Variants in KCND3 observed in about 807,000 individuals in gnomAD.
The protein encoded by KCND3 is potassium voltage-gated channel subfamily D member 3.
KCND3 carries 9 observed loss-of-function variants against 51.1 expected under a neutral mutation model. The observed-to-expected ratio is 0.18, with a 90% CI of 0.11 to 0.31. The LOEUF (loss-of-function observed/expected upper bound fraction) is 0.31, where lower values mean the gene tolerates loss of function less well. Ranked by LOEUF, KCND3 falls within the 10% of genes least tolerant of loss-of-function variation. The pLI, the probability that KCND3 is intolerant of heterozygous loss-of-function variation, is 1.00. For missense variants in KCND3, 526 were observed against 903.8 expected (o/e 0.58, Z 5.36); for synonymous variants, 349 against 368.0 (o/e 0.95, Z 0.59).
intron 2 of KCND3, among the ~76,000 whole-genome samples, chr1:111,801,344 G>T (rs1438230345): frequency 6.6e-6 from 1 of 152,198 alleles, no homozygotes; most frequent in East Asian, 1.9e-4. Flanking sequence ...AGCTAGAGGT[G>T]GTGAAGCGTC....
At chr1:111,977,215 C>T (rs984740544) in intron 2 of KCND3, among the ~76,000 whole-genome samples, 3 of 152,156 alleles carry the variant, frequency 2.0e-5, no homozygotes, top group Admixed American at 1.3e-4. Context: ...GATAAAGGTG[C>T]AGATAAAATT....
At chr1:111,989,398 C>G (rs1675507970) in intron 1 of KCND3, among the ~76,000 whole-genome samples, 107 bp downstream of exon 1, 1 of 152,212 alleles carries the variant, frequency 6.6e-6, no homozygotes, top group African/African-American at 2.4e-5. Context: ...CCCACCCACC[C>G]GGGCGCGGGA....
chr1:111,975,030 C>T (rs965653992), intron 2 of KCND3, among the ~76,000 whole-genome samples: 5 of 152,244 alleles, frequency 3.3e-5, no homozygotes, highest in African/African-American at 1.2e-4. Context: ...TCTGCTGCAG[C>T]TATCATAGCT....
At chr1:111,884,057 TG>T (rs944977163) in intron 2 of KCND3, among the ~76,000 whole-genome samples, 1 of 152,312 alleles carries the variant, frequency 6.6e-6, no homozygotes. Flanking sequence ...CTTCAACAGG[TG>T]GGTCCATGAT....
intron 2 of KCND3, among the ~76,000 whole-genome samples, chr1:111,898,143 C>T (rs753772679): frequency 6.6e-6 from 1 of 152,210 alleles, no homozygotes; most frequent in Non-Finnish European, 1.5e-5. Context: ...GGGACCACAA[C>T]AGTATTCTTC....
At chr1:111,826,393 T>C (rs2101609011) in intron 2 of KCND3, among the ~76,000 whole-genome samples, 1 of 152,332 alleles carries the variant, frequency 6.6e-6, no homozygotes, top group East Asian at 1.9e-4. Context: ...CCTTGTGAGA[T>C]GTTTTCTTTT....
rs1385863747 is a variant in KCND3, at chr1:111,889,649, G to A, written c.1106+91972C>T. Reference sequence around the variant, plus strand: ...CTCTGTGATTTTGAGGGCTCCAAATGTAAAGGTGAAGGGGCAGGATATTGA... The same window carrying A: ...CTCTGTGATTTTGAGGGCTCCAAATATAAAGGTGAAGGGGCAGGATATTGA... On this transcript the variant is annotated intron_variant, in intron 2 of 7. Transcript: ENST00000302127. 3.9e-5 allele frequency among the ~76,000 whole-genome samples: 6 copies of A among 152,098 alleles called. 1 individual carries two copies. The highest frequency in any genetic ancestry group is 3.3e-4 in the Admixed American group (5 of 15,282).
At chr1:111,872,744 C>T (rs1571774593) in intron 2 of KCND3, among the ~76,000 whole-genome samples, 1 of 152,038 alleles carries the variant, frequency 6.6e-6, no homozygotes, top group Admixed American at 6.5e-5. Context: ...AAAAAGAGGC[C>T]GTGAGAGAGA....
intron 2 of KCND3, among the ~76,000 whole-genome samples, chr1:111,976,219 G>A (rs1674616096): frequency 6.6e-6 from 1 of 152,128 alleles, no homozygotes; most frequent in South Asian, 2.1e-4. Flanking sequence ...GCTTACCTAT[G>A]GCTCCCCTTC....
At chr1:111,860,469 C>T (rs1314650796) in intron 2 of KCND3, among the ~76,000 whole-genome samples, 1 of 152,290 alleles carries the variant, frequency 6.6e-6, no homozygotes, top group South Asian at 2.1e-4. Flanking sequence ...TGCATCCAGG[C>T]CCCTGGGGAA....
chr1:111,783,921 C>T (rs1402030749), intron 3 of KCND3, among the ~76,000 whole-genome samples: 1 of 152,096 alleles, frequency 6.6e-6, no homozygotes, highest in East Asian at 1.9e-4. Flanking sequence ...TGCATGAATT[C>T]ATTTATATAA....
At chr1:111,829,931 G>T (rs950007038) in intron 2 of KCND3, among the ~76,000 whole-genome samples, 1 of 152,110 alleles carries the variant, frequency 6.6e-6, no homozygotes, top group African/African-American at 2.4e-5. Flanking sequence ...TTAGTGTTGC[G>T]TTGACCCTCT....
rs1663974296 is a variant in KCND3 at position 111,772,798 on chromosome 1, G to A, written c.*3279C>T. Reference sequence around the variant, plus strand: ...TCCCTCCCCCTCTTAATGCTGAGTGGGACTGAATGGAATAGGTGGTTTTGG... The same window carrying A: ...TCCCTCCCCCTCTTAATGCTGAGTGAGACTGAATGGAATAGGTGGTTTTGG... On this transcript the variant is annotated 3_prime_UTR_variant, in exon 8 of 8. Coordinates refer to ENST00000302127, the MANE Select transcript of KCND3 (RefSeq NM_001378969.1). 1 of 152,166 alleles carries A rather than the reference G, an allele frequency of 6.6e-6. No homozygotes were observed. The highest frequency in any genetic ancestry group is 1.5e-5 in the Non-Finnish European group (1 of 68,038). The allele number at this position is 152,166 out of a possible 1,614,324, so 9.4% of individuals were successfully genotyped here.
At chr1:111,866,155 T>C (rs1041515084) in intron 2 of KCND3, among the ~76,000 whole-genome samples, 3 of 152,136 alleles carry the variant, frequency 2.0e-5, no homozygotes, top group African/African-American at 7.2e-5. Context: ...TGTAGCAAAA[T>C]TGAATGAATA....
rs61733426 is a variant in KCND3 at position 111,981,770 on chromosome 1, G to C, written c.957C>G (p.Ser319=). 1,201 of 1,614,132 alleles carry C rather than the reference G, an allele frequency of 7.4e-4. 11 individuals carry two copies. The African/African-American group carries it at 0.014, about 19-fold the overall frequency. Residue 319 remains serine, a synonymous_variant, in exon 2 of 8, where the codon TCC becomes TCG. Coordinates refer to ENST00000302127, the MANE Select transcript of KCND3 (RefSeq NM_001378969.1). The surrounding 1 kb of genome is among the most constrained non-coding windows in gnomAD (Gnocchi z 6.2). ...GGGAGAAGAGAAGAAAGCCCAGTTC[G>C]GAGGCACAGCTCTTCAGTGTGTAGC... ...ILGYTLKSCA[S]ELGFLLFSLT...
intron 2 of KCND3, among the ~76,000 whole-genome samples, chr1:111,955,892 G>A (rs1673313601): frequency 6.6e-6 from 1 of 152,150 alleles, no homozygotes; most frequent in Non-Finnish European, 1.5e-5. Context: ...GGAGGCAGAG[G>A]GAACTAATAA....
intron 2 of KCND3, among the ~76,000 whole-genome samples, chr1:111,823,681 C>A (rs146492062): frequency 6.6e-6 from 1 of 152,170 alleles, no homozygotes; most frequent in African/African-American, 2.4e-5. Flanking sequence ...GACTACCACT[C>A]ATTTGGTCCT....
chr1:111,858,232 C>T (rs1412301876), intron 2 of KCND3, among the ~76,000 whole-genome samples: 1 of 152,186 alleles, frequency 6.6e-6, no homozygotes, highest in African/African-American at 2.4e-5. Context: ...TTAACTCCAT[C>T]AAATCCCTTC....
rs1005444562 is a variant in KCND3 at position 111,780,606 on chromosome 1, G to A, written c.1371+84C>T. 4 of 1,212,348 alleles carry A rather than the reference G, an allele frequency of 3.3e-6. No individual in the cohort carries two copies. In the Admixed American group the frequency reaches 7.9e-5, roughly 24 times the overall value. The allele number at this position is 1,212,348 out of a possible 1,614,324, so 75.1% of individuals were successfully genotyped here. A position where few individuals can be genotyped will look rare whatever the true frequency, so the allele number is the denominator to read the frequency against. The stretch of plus-strand genomic sequence containing the variant: ...CCTTGGGGTTCATACTGGGGCTCTG[G>A]TGAGAGTGCTGGTGTCCCGGGAAAG... On this transcript the variant is annotated intron_variant, in intron 4 of 7. Coordinates refer to ENST00000302127, the MANE Select transcript of KCND3 (RefSeq NM_001378969.1). The surrounding 1 kb of genome is among the most constrained non-coding windows in gnomAD (Gnocchi z 4.2).
Sources: allele counts gnomAD v4.1 joint callset (sites outside exome capture counted in the v4.1 genomes callset), GRCh38; gene constraint gnomAD v4.1.1; non-coding constraint Gnocchi (gnomAD v3.1); transcripts MANE v1.5; gene names NCBI Gene and HGNC (gene_info 2026-07-23, HGNC 2026-07-21).